MTOR: variants seen among roughly 807,000 people sequenced by gnomAD.
The protein encoded by MTOR is serine/threonine-protein kinase mTOR.
MTOR carries 70 observed loss-of-function variants against 319.8 expected under a neutral mutation model. The observed-to-expected ratio is 0.22, with a 90% CI of 0.18 to 0.27. MTOR has a LOEUF of 0.27. Among genes scored for constraint, MTOR ranks in the 10% least tolerant of loss-of-function variants. The pLI, the probability that MTOR is intolerant of heterozygous loss-of-function variation, is 1.00. For synonymous variants in MTOR, 1,183 were observed against 1,211.4 expected, an observed-to-expected ratio of 0.98 and a Z score of 0.49; for missense variants, 1,890 against 3,274.4, an observed-to-expected ratio of 0.58 and a Z score of 10.32.
Position 11,247,950 on chromosome 1 carries a change from C to T in MTOR, c.985G>A (p.Ala329Thr), listed in dbSNP as rs35903812. ...FQAVQPQQSNALVGLLGYSSH... is the reference protein window; with the variant it reads ...FQAVQPQQSNTLVGLLGYSSH... ...CTGTACCCCAGCAGCCCCACCAAGG[C>T]ATTTGACTGCTGGGGCTGTACAGCC... The change falls in exon 7 of 58, where the codon GCC becomes ACC. Residue 329 changes from alanine (A) to threonine (T), a missense_variant. Ala to Thr is a moderately conservative substitution (Grantham distance 58, BLOSUM62 0). This residue lies in a region of MTOR where 418 missense variants were observed against 543.1 expected (regional missense o/e 0.77). Coordinates refer to ENST00000361445, the MANE Select transcript of MTOR (RefSeq NM_004958.4). 5,463 of 1,614,150 alleles carry T rather than the reference C, an allele frequency of 3.4e-3. 9 individuals carry two copies. Among genetic ancestry groups the T allele is most frequent in the Middle Eastern group, 0.011 (68 of 6,062 alleles).
intron 19 of MTOR, among the ~76,000 whole-genome samples, chr1:11,217,537 A>T (rs187548782): frequency 0.014 from 2,038 of 150,552 alleles, 28 homozygotes; most frequent in Non-Finnish European, 0.019. Flanking sequence ...AGTAGCTGGG[A>T]CTACAGGCGC....
rs562790678 is a variant in MTOR at position 11,255,254 on chromosome 1, A to T, written c.705+738T>A. The stretch of plus-strand genomic sequence containing the variant: ...AAAAATTGGCTGGGCGTGATGGCAC[A>T]TGCCTGTAGTCCCAGCTACTCGGGA... On this transcript the variant is annotated intron_variant, in intron 5 of 57. Coordinates refer to ENST00000361445, the MANE Select transcript of MTOR (RefSeq NM_004958.4). Among the ~76,000 whole-genome samples, 3 of 151,952 alleles carry T rather than the reference A, an allele frequency of 2.0e-5. No individual in the cohort carries two copies. The South Asian group carries it at 6.2e-4, about 32-fold the overall frequency.
At chr1:11,184,590 G>T (rs1248350096) in intron 28 of MTOR, among the ~76,000 whole-genome samples, 1 of 152,074 alleles carries the variant, frequency 6.6e-6, no homozygotes, top group Non-Finnish European at 1.5e-5. Flanking sequence ...AAACAGGCAG[G>T]CGTGTTGGTG....
At chr1:11,183,222 G>A (rs890000371) in intron 28 of MTOR, among the ~76,000 whole-genome samples, 1 of 152,114 alleles carries the variant, frequency 6.6e-6, no homozygotes, top group African/African-American at 2.4e-5. Flanking sequence ...CTAATGAGAT[G>A]GGATAGCTTT....
Position 11,129,868 on chromosome 1 carries a change from T to C in MTOR, c.5614-30A>G. 6.3e-7 allele frequency: 1 copy of C among 1,591,866 alleles called. No individual in the cohort carries two copies. The highest frequency in any genetic ancestry group is 1.1e-5 in the South Asian group (1 of 90,306). On this transcript the variant is annotated intron_variant, in intron 39 of 57. Coordinates refer to ENST00000361445, the MANE Select transcript of MTOR (RefSeq NM_004958.4). The surrounding 1 kb of genome is among the most constrained non-coding windows in gnomAD (Gnocchi z 4.7). ...TGGAACACACACGTGTTAGCGACAC[T>C]CTTGCCTCTGCTTTCTCATCTGTAA...
intron 16 of MTOR, among the ~76,000 whole-genome samples, 195 bp downstream of exon 16, chr1:11,232,241 T>G (rs972565198): frequency 6.6e-6 from 1 of 152,248 alleles, no homozygotes; most frequent in African/African-American, 2.4e-5. Flanking sequence ...TGAAACTGAC[T>G]CTGGGTCAGG....
At chr1:11,200,773 T>C (rs1331527157) in intron 26 of MTOR, among the ~76,000 whole-genome samples, 1 of 152,092 alleles carries the variant, frequency 6.6e-6, no homozygotes, top group Non-Finnish European at 1.5e-5. Context: ...CCCAGTACTT[T>C]GGGGGGCTGA....
intron 19 of MTOR, among the ~76,000 whole-genome samples, chr1:11,220,755 C>G (rs1646635109): frequency 6.6e-6 from 1 of 152,156 alleles, no homozygotes; most frequent in African/African-American, 2.4e-5. Flanking sequence ...CTGTCAACAT[C>G]TTGATTTTAG....
At chr1:11,164,902 T>C (rs1468404727) in intron 29 of MTOR, among the ~76,000 whole-genome samples, 1 of 152,172 alleles carries the variant, frequency 6.6e-6, no homozygotes, top group Non-Finnish European at 1.5e-5. Flanking sequence ...TTATCAACCA[T>C]GATCAAGTGG....
At chr1:11,180,786 T>G (rs940891325) in intron 28 of MTOR, among the ~76,000 whole-genome samples, 4 of 151,920 alleles carry the variant, frequency 2.6e-5, no homozygotes, top group East Asian at 1.9e-4. Flanking sequence ...GGCAGGTTTT[T>G]TTTTTTTTTT....
chr1:11,157,648 G>A (rs927725599), intron 29 of MTOR, among the ~76,000 whole-genome samples: 3 of 152,046 alleles, frequency 2.0e-5, no homozygotes, highest in Non-Finnish European at 2.9e-5. Flanking sequence ...AGAAAACGTC[G>A]ACCAGAGCAC....
At chr1:11,220,047 A>G (rs1203775893) in intron 19 of MTOR, among the ~76,000 whole-genome samples, 5 of 41,300 alleles carry the variant, frequency 1.2e-4, no homozygotes, top group Non-Finnish European at 2.2e-4. Context: ...AAAAAAAAAG[A>G]AAAGAAAAGA....
At chr1:11,151,377 A>G (rs1644138760) in intron 30 of MTOR, among the ~76,000 whole-genome samples, 1 of 152,160 alleles carries the variant, frequency 6.6e-6, no homozygotes, top group South Asian at 2.1e-4. Flanking sequence ...ATGATGCCCT[A>G]TGCATTTACT....
chr1:11,129,933 G>A lies in MTOR; in HGVS notation c.5614-95C>T. Reference sequence around the variant, plus strand: ...CATACTAACTGTACCTACTTCAAAGGGTGGTTATAACAATTAAATCGGTTA... The same window carrying A: ...CATACTAACTGTACCTACTTCAAAGAGTGGTTATAACAATTAAATCGGTTA... On this transcript the variant is annotated intron_variant, in intron 39 of 57. Transcript: ENST00000361445. This position sits in a 1 kb window ranked among gnomAD's most constrained non-coding sequence, Gnocchi z 4.7. The A allele has an allele frequency of 9.6e-7, 1 of 1,044,048 alleles. No homozygotes were observed. Among genetic ancestry groups the A allele is most frequent in the East Asian group, 2.5e-5 (1 of 40,340 alleles). The allele number at this position is 1,044,048 out of a possible 1,614,324, so 64.7% of individuals were successfully genotyped here. A position where few individuals can be genotyped will look rare whatever the true frequency, so the allele number is the denominator to read the frequency against.
chr1:11,234,277 A>T lies in MTOR; in HGVS notation c.2209-12T>A. On this transcript the variant is annotated splice_polypyrimidine_tract_variant and intron_variant, in intron 13 of 57. Transcript: ENST00000361445. ...AACTCTGTCAAAATCTGTAGGGAAG[A>T]AAGGCTCATATGTTCTCTATGGCAG... 1 of 1,607,308 alleles carries T rather than the reference A, an allele frequency of 6.2e-7. No individual in the cohort carries two copies. The highest frequency in any genetic ancestry group is 8.5e-7 in the Non-Finnish European group (1 of 1,176,784).
At chr1:11,138,177 C>T (rs950210202) in intron 36 of MTOR, among the ~76,000 whole-genome samples, 73 of 152,314 alleles carry the variant, frequency 4.8e-4, no homozygotes, top group African/African-American at 1.7e-3. Context: ...GACTTGGAGG[C>T]TATACATAGG....
At chr1:11,153,248 A>T (rs529420442) in intron 30 of MTOR, among the ~76,000 whole-genome samples, 1 of 152,340 alleles carries the variant, frequency 6.6e-6, no homozygotes, top group Admixed American at 6.5e-5. Context: ...TTTCAAAAGT[A>T]GAAAAAGAGG....
intron 30 of MTOR, among the ~76,000 whole-genome samples, chr1:11,153,230 G>A (rs1341283682): frequency 6.6e-6 from 1 of 152,206 alleles, no homozygotes; most frequent in East Asian, 1.9e-4. Flanking sequence ...AAGAAACAGT[G>A]GAGAGGATTT....
rs1647091723 is a variant in MTOR, at chr1:11,233,488, C to T, written c.2332-1G>A. The T allele has an allele frequency of 1.2e-6, 2 of 1,612,424 alleles. No individual in the cohort carries two copies. The highest frequency in any genetic ancestry group is 1.7e-6 in the Non-Finnish European group (2 of 1,178,550). On this transcript the variant is annotated splice_acceptor_variant, in intron 14 of 57. Transcript: ENST00000361445. LOFTEE classifies it high-confidence loss of function. ...GATCTTTCAGTTTCAAAATTAATGC[C>T]TAGAGAAAGAAGTTATGAGAAAATG...
Sources: gnomAD v4.1 joint callset for allele counts (sites outside exome capture counted in the v4.1 genomes callset) on GRCh38, gnomAD v4.1.1 for gene constraint, gnomAD v4.1.1 regional missense constraint, Gnocchi (gnomAD v3.1) non-coding constraint, MANE v1.5 for transcripts, NCBI Gene and HGNC (gene_info 2026-07-23, HGNC 2026-07-21) for gene names.